Variants in QTMAN observed in about 807,000 individuals in gnomAD.
QTMAN encodes the protein tRNA-queuosine alpha-mannosyltransferase.
the QTMAN span, among the ~76,000 whole-genome samples, chr2:144,063,027 C>T: frequency 6.6e-6 from 1 of 152,050 alleles, no homozygotes; most frequent in East Asian, 1.9e-4. Flanking sequence ...AGATGTTTGG[C>T]CAATTAGAGT....
the QTMAN span, among the ~76,000 whole-genome samples, chr2:144,040,471 A>C: frequency 2.6e-5 from 4 of 152,114 alleles, no homozygotes; most frequent in Admixed American, 2.0e-4. Flanking sequence ...GTCTAGGACT[A>C]TAAGTTTGTT....
chr2:144,009,660 A>G, the QTMAN span, among the ~76,000 whole-genome samples: 1 of 152,136 alleles, frequency 6.6e-6, no homozygotes, highest in Non-Finnish European at 1.5e-5. Flanking sequence ...CCCCTTAAAT[A>G]TGCCCTAATA....
chr2:144,237,029 CT>C, the QTMAN span, among the ~76,000 whole-genome samples: 1 of 152,038 alleles, frequency 6.6e-6, no homozygotes, highest in Non-Finnish European at 1.5e-5. Context: ...AGACAATCAC[CT>C]TCTGGGCATT....
chr2:144,101,394 T>TCACA, the QTMAN span, among the ~76,000 whole-genome samples: 1,435 of 150,220 alleles, frequency 9.6e-3, 21 homozygotes, highest in African/African-American at 0.025. Context: ...TATCTCTCTC[T>TCACA]CACACACACA....
the QTMAN span, among the ~76,000 whole-genome samples, chr2:144,204,076 A>G: frequency 2.0e-5 from 3 of 152,180 alleles, no homozygotes; most frequent in African/African-American, 7.2e-5. Context: ...CATTCAGGAC[A>G]TAGGCATGGG....
the QTMAN span, chr2:143,938,072 G>A: frequency 6.6e-6 from 1 of 152,102 alleles, no homozygotes. Context: ...ACACAATTTT[G>A]TTTTGCAGTT....
chr2:144,331,220 C>T, the QTMAN span, among the ~76,000 whole-genome samples: 1 of 152,110 alleles, frequency 6.6e-6, no homozygotes, highest in African/African-American at 2.4e-5. Flanking sequence ...AGACCTGGAA[C>T]GCACTAATTA....
At chr2:144,207,284 C>T in the QTMAN span, among the ~76,000 whole-genome samples, 1 of 152,176 alleles carries the variant, frequency 6.6e-6, no homozygotes, top group Non-Finnish European at 1.5e-5. Flanking sequence ...CACTGCTATT[C>T]CATCTGACAC....
At chr2:144,105,887 T>C in the QTMAN span, among the ~76,000 whole-genome samples, 21 of 152,140 alleles carry the variant, frequency 1.4e-4, no homozygotes, top group Admixed American at 1.2e-3. Flanking sequence ...GGAAGCCCAT[T>C]AGACTAACAG....
At chr2:144,246,200 G>A in the QTMAN span, among the ~76,000 whole-genome samples, 8 of 152,322 alleles carry the variant, frequency 5.3e-5, no homozygotes, top group African/African-American at 1.9e-4. Context: ...GGATAAATCA[G>A]AAGCCAATTC....
chr2:144,016,554 A>C, the QTMAN span, among the ~76,000 whole-genome samples: 3 of 152,194 alleles, frequency 2.0e-5, no homozygotes, highest in Non-Finnish European at 2.9e-5. Flanking sequence ...TTGGAATTAA[A>C]TGTCTCCTAT....
chr2:144,117,510 T>G, the QTMAN span, among the ~76,000 whole-genome samples: 1 of 152,330 alleles, frequency 6.6e-6, no homozygotes, highest in East Asian at 1.9e-4. Flanking sequence ...CGGCAATGCA[T>G]AATTTTCTAA....
chr2:144,331,177 G>A, the QTMAN span, among the ~76,000 whole-genome samples: 5 of 152,100 alleles, frequency 3.3e-5, no homozygotes, highest in African/African-American at 1.2e-4. Context: ...ATACCAAAAG[G>A]GAGTGGGAGC....
the QTMAN span, among the ~76,000 whole-genome samples, chr2:144,040,921 T>A: frequency 1.7e-3 from 264 of 152,332 alleles, no homozygotes; most frequent in African/African-American, 6.1e-3. Context: ...GACACTGAAA[T>A]AACTTCTCTT....
chr2:143,941,277 A>G, the QTMAN span: 10 of 152,270 alleles, frequency 6.6e-5, no homozygotes, highest in Admixed American at 5.9e-4. Context: ...TGAATTCAGC[A>G]GAGTGTAAGA....
At chr2:144,238,723 AC>A in the QTMAN span, among the ~76,000 whole-genome samples, 6 of 151,922 alleles carry the variant, frequency 3.9e-5, no homozygotes, top group African/African-American at 1.5e-4. Context: ...AGTTCTTCCA[AC>A]CCTACCAACT....
chr2:143,969,163 A>C, the QTMAN span, among the ~76,000 whole-genome samples: 89 of 152,186 alleles, frequency 5.8e-4, no homozygotes, highest in African/African-American at 2.0e-3. Context: ...CATTTTCTAA[A>C]ATGTTGGCTT....
the QTMAN span, among the ~76,000 whole-genome samples, chr2:144,110,688 C>CA: frequency 2.4e-3 from 313 of 132,948 alleles, 13 homozygotes; most frequent in East Asian, 0.05. Flanking sequence ...GACCCCCCCC[C>CA]AAAAAAAAAA....
the QTMAN span, chr2:144,141,990 C>A: frequency 1.9e-6 from 3 of 1,610,246 alleles, no homozygotes; most frequent in East Asian, 2.2e-5. Flanking sequence ...CATAAATTTT[C>A]CCATGGAAGT....
Sources: allele counts gnomAD v4.1 joint callset (sites outside exome capture counted in the v4.1 genomes callset), GRCh38; gene constraint gnomAD v4.1.1; transcripts MANE v1.5; gene names NCBI Gene and HGNC (gene_info 2026-07-23, HGNC 2026-07-21).